The following RYR2 variants were observed in gnomAD, a reference collection of about 807,000 sequenced individuals.
RYR2 encodes the protein cardiac muscle ryanodine receptor-calcium release channel.
RYR2 carries 227 observed loss-of-function variants against 601.1 expected under a neutral mutation model. The ratio of observed to expected loss-of-function variants is 0.38; its 90% CI spans 0.34 to 0.42. The LOEUF (loss-of-function observed/expected upper bound fraction) is 0.42. RYR2 is among the 10% of genes least tolerant of loss of function. RYR2 has a pLI of 1.00. For synonymous variants in RYR2, 2,223 were observed against 2,175.1 expected (o/e 1.02, Z -0.61); for missense variants, 4,646 against 6,156.5 (o/e 0.75, Z 8.21).
At position 237,566,723 on chromosome 1, in the gene RYR2, C is replaced by A. The variant is rs779640835; in HGVS notation, c.3371C>A (p.Pro1124Gln). Residue 1124 changes from proline to glutamine, a missense_variant, in exon 28 of 105, where the codon CCG (proline) becomes CAG (glutamine). Coordinates refer to ENST00000366574, the MANE Select transcript of RYR2 (RefSeq NM_001035.3). ...RVGWSRPGCQ[P>Q]DQELGSDERA... ...GGTTGGAGTCGTCCTGGTTGTCAACCGGATCAGGAGCTTGGCTCAGATGAA... is the reference window on the plus strand; with the variant it reads ...GGTTGGAGTCGTCCTGGTTGTCAACAGGATCAGGAGCTTGGCTCAGATGAA... 7 of 1,613,798 alleles carry A rather than the reference C, an allele frequency of 4.3e-6. No individual in the cohort carries two copies. The highest frequency in any genetic ancestry group is 5.9e-6 in the Non-Finnish European group (7 of 1,179,866).
At position 237,595,584 on chromosome 1, in the gene RYR2, G is replaced by T. The variant is rs1433943784; in HGVS notation, c.4523G>T (p.Gly1508Val). The T allele has an allele frequency of 6.2e-7, 1 of 1,613,498 alleles. No individual in the cohort carries two copies. Among genetic ancestry groups the T allele is most frequent in the East Asian group, 2.2e-5 (1 of 44,822 alleles). ...QGRNNNGLEI[G>V]CVVDAASGLL... is the part of the protein sequence containing the mutation. ...CGCAACAATAATGGACTGGAGATTG[G>T]CTGTGTGGTGGATGCTGCCAGCGGG... The change falls in exon 34 of 105, where the codon GGC (glycine) becomes GTC (valine). Residue 1508 changes from glycine (G) to valine (V), a missense_variant. By Grantham distance (109) the Gly-to-Val change is moderately radical (BLOSUM62 -3). Coordinates refer to ENST00000366574, the MANE Select transcript of RYR2 (RefSeq NM_001035.3).
intron 17 of RYR2, among the ~76,000 whole-genome samples, chr1:237,470,141 A>T (rs1445509289): frequency 6.6e-6 from 1 of 152,284 alleles, no homozygotes; most frequent in East Asian, 1.9e-4. Context: ...TTCCTTCATT[A>T]GTAATGAACT....
chr1:237,576,092 A>C (rs1002310614), intron 29 of RYR2, among the ~76,000 whole-genome samples: 2 of 152,196 alleles, frequency 1.3e-5, no homozygotes, highest in Non-Finnish European at 2.9e-5. Context: ...GAGATGGTTG[A>C]CTTTATTAAA....
intron 16 of RYR2, among the ~76,000 whole-genome samples, chr1:237,465,003 T>G (rs1167100629): frequency 6.6e-6 from 1 of 152,140 alleles, no homozygotes; most frequent in Non-Finnish European, 1.5e-5. Context: ...TCTTCTTAAC[T>G]GACTGGATGA....
chr1:237,271,358 A>G (rs575524926), intron 2 of RYR2, among the ~76,000 whole-genome samples: 3 of 152,334 alleles, frequency 2.0e-5, no homozygotes, highest in East Asian at 3.9e-4. Flanking sequence ...AGAATGGTTC[A>G]TAATATCAGC....
At chr1:237,368,437 A>C (rs1700372557) in intron 5 of RYR2, among the ~76,000 whole-genome samples, 1 of 152,162 alleles carries the variant, frequency 6.6e-6, no homozygotes, top group African/African-American at 2.4e-5. Context: ...TATTCAGGGA[A>C]GGGAAAGTGG....
intron 14 of RYR2, among the ~76,000 whole-genome samples, chr1:237,453,616 A>G (rs1271242097): frequency 6.6e-6 from 1 of 152,140 alleles, no homozygotes; most frequent in African/African-American, 2.4e-5. Context: ...CAACTACAGT[A>G]GAGATGTTGT....
rs146334733 is a variant in RYR2 at position 237,533,608 on chromosome 1, A to G, written c.2906+3098A>G. Among the ~76,000 whole-genome samples the G allele has an allele frequency of 8.3e-4, 126 of 152,338 alleles. 1 individual carries two copies. The highest frequency in any genetic ancestry group is 2.9e-3 in the African/African-American group (121 of 41,596). On this transcript the variant is annotated intron_variant, in intron 25 of 104. Coordinates refer to ENST00000366574, the MANE Select transcript of RYR2 (RefSeq NM_001035.3). ...ATGACACCATAGATGAACCTAAAAA[A>G]TAATAAGGGTGTAAAAAACATTCTA...
chr1:237,625,687 C>G lies in RYR2; in HGVS notation c.6049C>G (p.Leu2017Val). The change falls in exon 40 of 105, where the codon CTG becomes GTG. Residue 2017 changes from leucine to valine, a missense_variant. Transcript: ENST00000366574. Reference protein sequence around the residue: ...CGIELDEDGSLDGNSDLTIRG... With the variant: ...CGIELDEDGSVDGNSDLTIRG... ...AATTGAGCTGGATGAAGATGGGTCTCTGGATGGAAACAGTGATTTAACAAT... is the reference window on the plus strand; with the variant it reads ...AATTGAGCTGGATGAAGATGGGTCTGTGGATGGAAACAGTGATTTAACAAT... The G allele has an allele frequency of 6.2e-7, 1 of 1,613,578 alleles. No individual in the cohort carries two copies. Among genetic ancestry groups the G allele is most frequent in the Non-Finnish European group, 8.5e-7 (1 of 1,179,788 alleles).
In RYR2 at chr1:237,590,149, TG is replaced by T. The variant is rs1674989905; in HGVS notation, c.3807+150del. The stretch of plus-strand genomic sequence containing the variant: ...TATAGTAGTGGAATCTAAGCAAAGA[TG>T]GTACTTTCTACCAGCTATCAGTGGA... On this transcript the variant is annotated intron_variant, in intron 30 of 104. Transcript: ENST00000366574. The T allele has an allele frequency of 1.3e-5, 10 of 752,646 alleles. No homozygotes were observed. The South Asian group carries it at 2.2e-4, about 16-fold the overall frequency. 46.6% of individuals were successfully genotyped at this position (752,646 alleles called of 1,614,324 possible).
At chr1:237,542,977 C>T (rs181939612) in intron 25 of RYR2, among the ~76,000 whole-genome samples, 18 of 152,282 alleles carry the variant, frequency 1.2e-4, no homozygotes, top group Non-Finnish European at 1.5e-4. Context: ...CTGGAATTTT[C>T]AGCCTATCTT....
intron 1 of RYR2, among the ~76,000 whole-genome samples, chr1:237,089,359 T>C (rs979396555): frequency 6.6e-6 from 1 of 152,242 alleles, no homozygotes; most frequent in Non-Finnish European, 1.5e-5. Flanking sequence ...TAGAAAAGAA[T>C]AACCATTTCT....
intron 1 of RYR2, among the ~76,000 whole-genome samples, chr1:237,127,884 G>A (rs1380089890): frequency 1.3e-5 from 2 of 150,504 alleles, no homozygotes; most frequent in Non-Finnish European, 2.9e-5. Context: ...GGGCGGAGAC[G>A]CTCCTCACTT....
rs561490786 is a variant in RYR2 at position 237,502,832 on chromosome 1, C to CT, written c.2397-456dup. On this transcript the variant is annotated intron_variant, in intron 21 of 104. Transcript: ENST00000366574. ...GTGACCAAGAAAGTGAAAAAAGAAT[C>CT]TAAAAAAAAAAAAAGAAAAGAAAAG... 3.4e-3 allele frequency among the ~76,000 whole-genome samples: 511 copies of CT among 149,208 alleles called. 3 individuals carry two copies. The highest frequency in any genetic ancestry group is 0.012 in the African/African-American group (490 of 40,454).
At chr1:237,503,781 C>T (rs12081855) in intron 22 of RYR2, among the ~76,000 whole-genome samples, 60 of 152,244 alleles carry the variant, frequency 3.9e-4, no homozygotes, top group African/African-American at 1.3e-3. Context: ...AATCTCGGCT[C>T]GCTGCAACCT....
chr1:237,454,686 G>A (rs1328982936), intron 15 of RYR2, 112 bp downstream of exon 15: 4 of 1,015,548 alleles, frequency 3.9e-6, no homozygotes, highest in Non-Finnish European at 5.9e-6. Flanking sequence ...GCAATATAGA[G>A]GAGAAAGTAT....
intron 90 of RYR2, 89 bp from the exon 91 acceptor site, chr1:237,785,880 A>G (rs1373773583): frequency 9.9e-6 from 9 of 912,496 alleles, no homozygotes; most frequent in South Asian, 5.7e-5. Context: ...TATATAGGTT[A>G]TGGTTTGACA....
At chr1:237,444,773 A>C (rs1708188373) in intron 13 of RYR2, among the ~76,000 whole-genome samples, 1 of 152,218 alleles carries the variant, frequency 6.6e-6, no homozygotes, top group African/African-American at 2.4e-5. Context: ...CTTTCCTAAC[A>C]TTATAGTTTC....
intron 56 of RYR2, 62 bp from the exon 57 acceptor site, chr1:237,666,450 A>G: frequency 7.1e-7 from 1 of 1,399,426 alleles, no homozygotes; most frequent in Non-Finnish European, 9.9e-7. Flanking sequence ...TTTAAAGTAT[A>G]AGTTAAGTCT....
Sources: gnomAD v4.1 joint callset for allele counts (sites outside exome capture counted in the v4.1 genomes callset) on GRCh38, gnomAD v4.1.1 for gene constraint, MANE v1.5 for transcripts, NCBI Gene and HGNC (gene_info 2026-07-23, HGNC 2026-07-21) for gene names.